The following S100PBP variants were observed in gnomAD, a reference collection of about 807,000 sequenced individuals.
S100PBP encodes the protein S100P binding protein.
A neutral mutation model predicts 39.9 loss-of-function variants in S100PBP; 15 were observed. The ratio of observed to expected loss-of-function variants is 0.38; its 90% CI spans 0.25 to 0.58. The LOEUF is 0.58. S100PBP is among the 20% of genes least tolerant of loss of function. S100PBP has a pLI of 0.70. For synonymous variants in S100PBP, 178 were observed against 180.3 expected (o/e 0.99, Z 0.10); for missense variants, 504 against 487.3 (o/e 1.03, Z -0.32).
chr1:32,845,933 C>T (rs1640352114), intron 5 of S100PBP, among the ~76,000 whole-genome samples: 2 of 152,052 alleles, frequency 1.3e-5, no homozygotes, highest in South Asian at 4.1e-4. Context: ...TCCACCTCGG[C>T]CTCCCAAAGT....
rs1160538710 is a variant in S100PBP, at chr1:32,856,845, C to G, written c.*807C>G. ...GGATTTTCCTTTTTCTTTTTACCCCCCAGTGACCACTCTGCTCTTTAGGAT... is the reference window on the plus strand; with the variant it reads ...GGATTTTCCTTTTTCTTTTTACCCCGCAGTGACCACTCTGCTCTTTAGGAT... On this transcript the variant is annotated 3_prime_UTR_variant, in exon 7 of 7. Coordinates refer to ENST00000373475, the MANE Select transcript of S100PBP (RefSeq NM_022753.4). 2.0e-5 allele frequency: 3 copies of G among 152,202 alleles called. No individual in the cohort carries two copies. The highest frequency in any genetic ancestry group is 3.8e-4 in the East Asian group (2 of 5,202). The allele number at this position is 152,202 out of a possible 1,614,324, so 9.4% of individuals were successfully genotyped here. A position where few individuals can be genotyped will look rare whatever the true frequency, so the allele number is the denominator to read the frequency against.
Position 32,857,325 on chromosome 1 carries a change from T to G in S100PBP, c.*1287T>G, listed in dbSNP as rs1233738321. 6.6e-6 allele frequency: 1 copy of G among 152,300 alleles called. No individual in the cohort carries two copies. Among genetic ancestry groups the G allele is most frequent in the Non-Finnish European group, 1.5e-5 (1 of 68,128 alleles). The allele number at this position is 152,300 out of a possible 1,614,324, so 9.4% of individuals were successfully genotyped here. A position where few individuals can be genotyped will look rare whatever the true frequency, so the allele number is the denominator to read the frequency against. On this transcript the variant is annotated 3_prime_UTR_variant, in exon 7 of 7. Coordinates refer to ENST00000373475, the MANE Select transcript of S100PBP (RefSeq NM_022753.4). ...AGGAGTTGGTTATTCTCTCTTTTTT[T>G]TTTGAGACGGAGTTTCGCTGTTGTT...
At position 32,840,837 on chromosome 1, in the gene S100PBP, G is replaced by A. The variant is rs1232032434; in HGVS notation, c.1024+10770G>A. ...TATTTGCCACCTGTATATCTTCTTTGGTGAAGTATTTTTTGCTCATTTAAA... is the reference window on the plus strand; with the variant it reads ...TATTTGCCACCTGTATATCTTCTTTAGTGAAGTATTTTTTGCTCATTTAAA... On this transcript the variant is annotated intron_variant, in intron 5 of 6. Transcript: ENST00000373475. Among the ~76,000 whole-genome samples the A allele has an allele frequency of 2.0e-5, 3 of 152,044 alleles. No individual in the cohort carries two copies. In the East Asian group the frequency reaches 5.8e-4, roughly 29 times the overall value.
At chr1:32,855,071 A>T (rs1402400284) in intron 6 of S100PBP, among the ~76,000 whole-genome samples, 1 of 152,188 alleles carries the variant, frequency 6.6e-6, no homozygotes, top group Non-Finnish European at 1.5e-5. Context: ...AAGTACTTGC[A>T]TATAGGGATA....
Position 32,838,526 on chromosome 1 carries a change from A to T in S100PBP, c.1024+8459A>T, listed in dbSNP as rs189479879. On this transcript the variant is annotated intron_variant, in intron 5 of 6. Transcript: ENST00000373475. ...ATAAAATACACATAATATACACATA[A>T]CCATCTTTTTAAAACCTCTTTATAA... is the stretch of plus-strand genomic sequence containing the variant. 3.0e-3 allele frequency among the ~76,000 whole-genome samples: 458 copies of T among 151,854 alleles called. 1 individual carries two copies. Among genetic ancestry groups the T allele is most frequent in the Middle Eastern group, 0.027 (8 of 292 alleles).
Position 32,836,747 on chromosome 1 carries a change from A to C in S100PBP, c.1024+6680A>C, listed in dbSNP as rs80005649. 782 of 210,074 alleles carry C rather than the reference A, an allele frequency of 3.7e-3. 2 individuals carry two copies. Among genetic ancestry groups the C allele is most frequent in the Non-Finnish European group, 5.5e-3 (670 of 121,220 alleles). The allele number at this position is 210,074 out of a possible 1,614,324, so 13.0% of individuals were successfully genotyped here. On this transcript the variant is annotated intron_variant, in intron 5 of 6. Coordinates refer to ENST00000373475, the MANE Select transcript of S100PBP (RefSeq NM_022753.4). The stretch of plus-strand genomic sequence containing the variant: ...TTTCCTCTGCTGCCCTCCTGGGTTG[A>C]ATCCTGTTTCTTGGATCCTATATCT...
intron 5 of S100PBP, among the ~76,000 whole-genome samples, chr1:32,845,998 AT>A (rs544445912): frequency 8.9e-5 from 13 of 146,068 alleles, no homozygotes; most frequent in South Asian, 2.2e-4. Flanking sequence ...TTATTTTTTT[AT>A]TTTTTTTTGA....
rs12092326 is a variant in S100PBP at position 32,826,600 on chromosome 1, G to A, written c.501G>A (p.Ser167=). Residue 167 remains serine (S), a synonymous_variant, in exon 3 of 7, where the codon TCG becomes TCA. Coordinates refer to ENST00000373475, the MANE Select transcript of S100PBP (RefSeq NM_022753.4). ...DALLDKDETD[S]SKDTEKLSSL... ...TGCTTGATAAGGACGAGACTGATTC[G>A]TCCAAAGATACTGAAAAACTCTCTT... The A allele has an allele frequency of 3.0e-5, 48 of 1,613,756 alleles. No individual in the cohort carries two copies. The Middle Eastern group carries it at 4.9e-4, about 17-fold the overall frequency.
chr1:32,817,034 T>C (rs1638762796), upstream of S100PBP: 3 of 954,262 alleles, frequency 3.1e-6, no homozygotes. Context: ...CTTGATTGAC[T>C]GACCGACCAG....
intron 4 of S100PBP, 57 bp from the exon 5 acceptor site, chr1:32,829,907 G>T: frequency 2.5e-6 from 3 of 1,204,528 alleles, no homozygotes; most frequent in Non-Finnish European, 2.5e-6. Flanking sequence ...TCTACAAAAC[G>T]CTATATTCCT....
intron 5 of S100PBP, among the ~76,000 whole-genome samples, chr1:32,833,864 A>C (rs1200291750): frequency 6.6e-6 from 1 of 152,190 alleles, no homozygotes; most frequent in African/African-American, 2.4e-5. Context: ...AATGTATTTT[A>C]AGGACCTTTT....
At chr1:32,837,565 C>CAAA (rs1278688029) in intron 5 of S100PBP, among the ~76,000 whole-genome samples, 1 of 82,062 alleles carries the variant, frequency 1.2e-5, no homozygotes, top group Non-Finnish European at 2.6e-5. Flanking sequence ...AACTCCGTCT[C>CAAA]AAAAAAAAAA....
chr1:32,828,893 G>A lies in S100PBP; in HGVS notation c.920+812G>A, dbSNP rs560313958. Among the ~76,000 whole-genome samples, 7 of 152,100 alleles carry A rather than the reference G, an allele frequency of 4.6e-5. No individual in the cohort carries two copies. The South Asian group carries it at 8.3e-4, about 18-fold the overall frequency. Reference sequence around the variant, plus strand: ...GGTGCACACCTGTGGTCCCAGCTACGAGGAAGACTGAGGTGGGAAGATTGC... The same window carrying A: ...GGTGCACACCTGTGGTCCCAGCTACAAGGAAGACTGAGGTGGGAAGATTGC... On this transcript the variant is annotated intron_variant, in intron 4 of 6. Coordinates refer to ENST00000373475, the MANE Select transcript of S100PBP (RefSeq NM_022753.4).
intron 5 of S100PBP, among the ~76,000 whole-genome samples, chr1:32,837,565 CAAA>C (rs1278688029): frequency 1.1e-4 from 9 of 82,048 alleles, no homozygotes; most frequent in Admixed American, 2.8e-4. Flanking sequence ...AACTCCGTCT[CAAA>C]AAAAAAAAAA....
In S100PBP at chr1:32,826,280, C is replaced by T. The variant is rs762848317; in HGVS notation, c.181C>T (p.Leu61=). ...TTACACAGAGGAAGAGATTGATGCACTGTTGAAGGAAGATGACCCATCATA... is the reference window on the plus strand; with the variant it reads ...TTACACAGAGGAAGAGATTGATGCATTGTTGAAGGAAGATGACCCATCATA... The part of the protein sequence containing the change: ...VNYTEEEIDA[L]LKEDDPSYEQ... The change falls in exon 3 of 7, where the codon CTG becomes TTG. Residue 61 remains leucine (L), a synonymous_variant. Coordinates refer to ENST00000373475, the MANE Select transcript of S100PBP (RefSeq NM_022753.4). The T allele has an allele frequency of 4.3e-6, 7 of 1,613,930 alleles. No homozygotes were observed. Among genetic ancestry groups the T allele is most frequent in the Non-Finnish European group, 8.5e-7 (1 of 1,179,998 alleles).
At chr1:32,841,019 G>C (rs1640065920) in intron 5 of S100PBP, among the ~76,000 whole-genome samples, 1 of 151,884 alleles carries the variant, frequency 6.6e-6, no homozygotes, top group African/African-American at 2.4e-5. Context: ...AAAGTAGCTG[G>C]GCATGGTGGC....
chr1:32,854,430 C>T (rs184936969), intron 6 of S100PBP, among the ~76,000 whole-genome samples: 8 of 152,192 alleles, frequency 5.3e-5, no homozygotes, highest in Non-Finnish European at 1.0e-4. Flanking sequence ...TATACATGTT[C>T]GATACAGATG....
At chr1:32,823,226 G>T (rs572426129) in intron 1 of S100PBP, among the ~76,000 whole-genome samples, 3 of 151,872 alleles carry the variant, frequency 2.0e-5, no homozygotes, top group African/African-American at 4.8e-5. Context: ...CCCAGAAAGG[G>T]CATCTAAGAA....
chr1:32,852,798 G>T (rs1223897261), intron 5 of S100PBP: 3 of 326,634 alleles, frequency 9.2e-6, no homozygotes, highest in Non-Finnish European at 5.9e-6. Context: ...GTAGTGTCTT[G>T]TTCACTGCCA....
Sources: gnomAD v4.1 joint callset for allele counts (sites outside exome capture counted in the v4.1 genomes callset) on GRCh38, gnomAD v4.1.1 for gene constraint, MANE v1.5 for transcripts, NCBI Gene and HGNC (gene_info 2026-07-23, HGNC 2026-07-21) for gene names.